The following CCDC85A variants were observed in gnomAD, a reference collection of about 807,000 sequenced individuals.
CCDC85A encodes coiled-coil domain-containing protein 85A.
Under a neutral mutation model 50.2 loss-of-function variants are expected in CCDC85A, and 38 were observed. The ratio of observed to expected loss-of-function variants is 0.76; its 90% CI spans 0.58 to 0.99. The LOEUF (loss-of-function observed/expected upper bound fraction) is 0.99, where lower values mean the gene tolerates loss of function less well. CCDC85A is among the 50% of genes least tolerant of loss of function. The probability of loss-of-function intolerance (pLI) is 0.00; values close to 1 mark genes in which losing one functional copy is unlikely to be tolerated. For missense variants in CCDC85A, 820 were observed against 742.0 expected (o/e 1.11, Z -1.22); for synonymous variants, 366 against 301.4 (o/e 1.21, Z -2.22).
chr2:56,206,863 G>C (rs1446228793), intron 2 of CCDC85A, among the ~76,000 whole-genome samples: 1 of 152,114 alleles, frequency 6.6e-6, no homozygotes, highest in Admixed American at 6.5e-5. Flanking sequence ...TTCTTGTAAA[G>C]GTTATGCTGA....
At chr2:56,317,987 T>C (rs1170681130) in intron 2 of CCDC85A, among the ~76,000 whole-genome samples, 1 of 152,128 alleles carries the variant, frequency 6.6e-6, no homozygotes, top group Non-Finnish European at 1.5e-5. Flanking sequence ...GCATTTCATC[T>C]ACTCAAACAC....
intron 2 of CCDC85A, among the ~76,000 whole-genome samples, chr2:56,335,544 G>A (rs1674029602): frequency 6.6e-6 from 1 of 151,982 alleles, no homozygotes; most frequent in Non-Finnish European, 1.5e-5. Flanking sequence ...TTCAGTAAGG[G>A]CCTTCTTGGT....
intron 3 of CCDC85A, among the ~76,000 whole-genome samples, chr2:56,361,289 T>C (rs1021165106): frequency 5.3e-5 from 8 of 151,824 alleles, no homozygotes; most frequent in African/African-American, 1.7e-4. Flanking sequence ...AGAATTTCTG[T>C]AGGTCATGGA....
At chr2:56,214,485 G>GTAA (rs553428789) in intron 2 of CCDC85A, among the ~76,000 whole-genome samples, 124 of 152,074 alleles carry the variant, frequency 8.2e-4, no homozygotes, top group Non-Finnish European at 1.6e-3. Context: ...AATCTAGTGA[G>GTAA]TGATTTTGCA....
chr2:56,372,239 G>A (rs1280216752), intron 3 of CCDC85A, 105 bp from the exon 4 acceptor site: 1 of 1,155,716 alleles, frequency 8.7e-7, no homozygotes, highest in African/African-American at 1.6e-5. Flanking sequence ...TTGCCATTGT[G>A]GTCATTGTGG....
At chr2:56,294,878 A>C (rs1671878700) in intron 2 of CCDC85A, among the ~76,000 whole-genome samples, 2 of 152,206 alleles carry the variant, frequency 1.3e-5, no homozygotes, top group Non-Finnish European at 2.9e-5. Flanking sequence ...GGTACCTCTA[A>C]TAGCTAGCTC....
At chr2:56,291,591 T>TTA in intron 2 of CCDC85A, among the ~76,000 whole-genome samples, 1 of 151,984 alleles carries the variant, frequency 6.6e-6, no homozygotes, top group Non-Finnish European at 1.5e-5. Flanking sequence ...ATCAGAGAGA[T>TTA]CAGTAAGTAC....
chr2:56,363,827 A>T (rs1381638282), intron 3 of CCDC85A, among the ~76,000 whole-genome samples: 1 of 152,164 alleles, frequency 6.6e-6, no homozygotes, highest in Admixed American at 6.5e-5. Flanking sequence ...CTTCTTTGCC[A>T]TTGCATCCAT....
At position 56,239,105 on chromosome 2, in the gene CCDC85A, G is replaced by A. The variant is rs555490373; in HGVS notation, c.1240+45665G>A. Reference sequence around the variant, plus strand: ...TCCCAAGTGCACTGAAATTTAAAATGTTGAAGAGAGAGGAGTATACTTTTT... The same window carrying A: ...TCCCAAGTGCACTGAAATTTAAAATATTGAAGAGAGAGGAGTATACTTTTT... On this transcript the variant is annotated intron_variant, in intron 2 of 5. Coordinates refer to ENST00000407595, the MANE Select transcript of CCDC85A (RefSeq NM_001080433.2). Among the ~76,000 whole-genome samples, 3 of 152,198 alleles carry A rather than the reference G, an allele frequency of 2.0e-5. No individual in the cohort carries two copies. The South Asian group carries it at 6.2e-4, about 32-fold the overall frequency.
intron 2 of CCDC85A, among the ~76,000 whole-genome samples, chr2:56,303,504 T>C (rs368293176): frequency 6.6e-6 from 1 of 152,134 alleles, no homozygotes; most frequent in South Asian, 2.1e-4. Context: ...AGAACTTGAT[T>C]TGAACCCTGA....
chr2:56,297,766 G>A (rs924157615), intron 2 of CCDC85A, among the ~76,000 whole-genome samples: 2 of 152,188 alleles, frequency 1.3e-5, no homozygotes, highest in African/African-American at 4.8e-5. Flanking sequence ...CGGGGACTTG[G>A]ATATTGGTGT....
chr2:56,228,519 C>T (rs1389329098), intron 2 of CCDC85A, among the ~76,000 whole-genome samples: 1 of 150,038 alleles, frequency 6.7e-6, no homozygotes, highest in Non-Finnish European at 1.5e-5. Context: ...TCTTTCTCCC[C>T]TTTATTTTTT....
At position 56,318,642 on chromosome 2, in the gene CCDC85A, T is replaced by C. The variant is rs188532395; in HGVS notation, c.1241-24237T>C. 6.6e-5 allele frequency among the ~76,000 whole-genome samples: 10 copies of C among 152,278 alleles called. No individual in the cohort carries two copies. In the East Asian group the frequency reaches 1.7e-3, roughly 26 times the overall value. On this transcript the variant is annotated intron_variant, in intron 2 of 5. Coordinates refer to ENST00000407595, the MANE Select transcript of CCDC85A (RefSeq NM_001080433.2). ...GAAATTTTTTGGCCCAATTTAAATG[T>C]TTATTAACAGCTAGAGTGTAATTAG...
chr2:56,372,155 A>G (rs1436263899), intron 3 of CCDC85A, among the ~76,000 whole-genome samples, 189 bp from the exon 4 acceptor site: 1 of 152,158 alleles, frequency 6.6e-6, no homozygotes, highest in Non-Finnish European at 1.5e-5. Context: ...TTAAATCAGG[A>G]TTAGGTCTAA....
intron 2 of CCDC85A, among the ~76,000 whole-genome samples, chr2:56,241,566 A>G (rs1669260808): frequency 6.6e-6 from 1 of 152,162 alleles, no homozygotes; most frequent in African/African-American, 2.4e-5. Flanking sequence ...GCTCCCACAA[A>G]TAAGTGAGAA....
intron 2 of CCDC85A, among the ~76,000 whole-genome samples, chr2:56,266,616 C>G (rs78508564): frequency 0.1 from 11,950 of 118,224 alleles, 733 homozygotes; most frequent in Middle Eastern, 0.17. Context: ...CAAAAAAGAT[C>G]CATTGTGATT....
chr2:56,354,322 A>T (rs572386825), intron 3 of CCDC85A, among the ~76,000 whole-genome samples: 1 of 152,358 alleles, frequency 6.6e-6, no homozygotes, highest in South Asian at 2.1e-4. Flanking sequence ...GACATGAGGT[A>T]TCACACATTA....
rs1394847346 is a variant in CCDC85A at position 56,214,319 on chromosome 2, T to C, written c.1240+20879T>C. On this transcript the variant is annotated intron_variant, in intron 2 of 5. Coordinates refer to ENST00000407595, the MANE Select transcript of CCDC85A (RefSeq NM_001080433.2). ...ATGAAGAGAGTCAATAGTCAATGTGTGTAAAGCATTTAGATTGATACCTGT... is the reference window on the plus strand; with the variant it reads ...ATGAAGAGAGTCAATAGTCAATGTGCGTAAAGCATTTAGATTGATACCTGT... Among the ~76,000 whole-genome samples the C allele has an allele frequency of 2.6e-5, 4 of 151,932 alleles. No homozygotes were observed. In the East Asian group the frequency reaches 7.8e-4, roughly 29 times the overall value.
rs530789415 is a variant in CCDC85A, at chr2:56,280,069, C to T, written c.1241-62810C>T. ...TTCCTCGTGAACTACATACTATCCT[C>T]ACCCCCCCACCTCTAAACACAAGGC... is the stretch of plus-strand genomic sequence containing the variant. On this transcript the variant is annotated intron_variant, in intron 2 of 5. Coordinates refer to ENST00000407595, the MANE Select transcript of CCDC85A (RefSeq NM_001080433.2). Among the ~76,000 whole-genome samples, 17 of 152,328 alleles carry T rather than the reference C, an allele frequency of 1.1e-4. No individual in the cohort carries two copies. The South Asian group carries it at 3.5e-3, about 32-fold the overall frequency.
Sources: gnomAD v4.1 joint callset for allele counts (sites outside exome capture counted in the v4.1 genomes callset) on GRCh38, gnomAD v4.1.1 for gene constraint, MANE v1.5 for transcripts, NCBI Gene and HGNC (gene_info 2026-07-23, HGNC 2026-07-21) for gene names.